PTGER4: variants seen among roughly 807,000 people sequenced by gnomAD.
PTGER4 encodes the protein prostaglandin E receptor 4.
Under a neutral mutation model 33.2 loss-of-function variants are expected in PTGER4, and 11 were observed. The ratio of observed to expected loss-of-function variants is 0.33; its 90% CI spans 0.21 to 0.55. The LOEUF (loss-of-function observed/expected upper bound fraction) is 0.55. PTGER4 is among the 20% of genes least tolerant of loss of function. The pLI, the probability that PTGER4 is intolerant of heterozygous loss-of-function variation, is 0.92. For synonymous variants in PTGER4, 275 were observed against 281.5 expected (o/e 0.98, Z 0.23); for missense variants, 481 against 650.2 (o/e 0.74, Z 2.83).
downstream of PTGER4, among the ~76,000 whole-genome samples, chr5:40,697,294 G>GAAAGAA (rs1741634535): frequency 7.0e-6 from 1 of 143,640 alleles, no homozygotes; most frequent in African/African-American, 2.5e-5. Context: ...AAGAAAGAAA[G>GAAAGAA]AAAAAGAAAG....
chr5:40,724,111 T>C, the PTGER4 span, among the ~76,000 whole-genome samples: 8 of 152,294 alleles, frequency 5.3e-5, no homozygotes, highest in East Asian at 7.7e-4. Context: ...ATAGCCAATA[T>C]GTAGAAACAA....
chr5:40,685,078 T>C (rs539131917), intron 2 of PTGER4, among the ~76,000 whole-genome samples: 1 of 152,310 alleles, frequency 6.6e-6, no homozygotes, highest in African/African-American at 2.4e-5. Flanking sequence ...ACAGTTACTA[T>C]AGGGTTTCGA....
chr5:40,693,885 C>T (rs1741530293), downstream of PTGER4: 1 of 334,020 alleles, frequency 3.0e-6, no homozygotes, highest in African/African-American at 2.2e-5. Context: ...CTCTTGTATA[C>T]ACTTAGTAGA....
chr5:40,728,019 C>T, the PTGER4 span, among the ~76,000 whole-genome samples: 8 of 152,088 alleles, frequency 5.3e-5, no homozygotes, highest in Admixed American at 1.3e-4. Flanking sequence ...TGTTGGCTCA[C>T]GCCTGTAATC....
At chr5:40,684,670 A>G (rs1741283835) in intron 2 of PTGER4, among the ~76,000 whole-genome samples, 1 of 152,226 alleles carries the variant, frequency 6.6e-6, no homozygotes, top group Non-Finnish European at 1.5e-5. Flanking sequence ...GATATAAGGA[A>G]CTGTGCTGAA....
chr5:40,704,976 T>C, the PTGER4 span, among the ~76,000 whole-genome samples: 1 of 152,178 alleles, frequency 6.6e-6, no homozygotes, highest in African/African-American at 2.4e-5. Context: ...AAAAAATTTT[T>C]TTTAATTTAT....
At chr5:40,712,442 G>A in the PTGER4 span, among the ~76,000 whole-genome samples, 2 of 152,254 alleles carry the variant, frequency 1.3e-5, no homozygotes, top group Admixed American at 1.3e-4. Flanking sequence ...GACAGATGGA[G>A]ATTCAATATT....
chr5:40,682,778 G>A (rs570775359), intron 2 of PTGER4, among the ~76,000 whole-genome samples: 32 of 152,306 alleles, frequency 2.1e-4, no homozygotes, highest in Non-Finnish European at 4.0e-4. Flanking sequence ...ACCTTAGGCC[G>A]TCTGAGGCCA....
chr5:40,717,005 G>A, the PTGER4 span, among the ~76,000 whole-genome samples: 5 of 152,018 alleles, frequency 3.3e-5, no homozygotes, highest in Non-Finnish European at 7.4e-5. Context: ...GAGGTGGGCG[G>A]ATCACCTGAG....
At chr5:40,744,754 AT>A in the PTGER4 span, among the ~76,000 whole-genome samples, 103 of 152,188 alleles carry the variant, frequency 6.8e-4, 1 homozygote, top group East Asian at 0.019. Context: ...GTCAAGTGTA[AT>A]TTTTCTAATA....
chr5:40,726,031 C>T, the PTGER4 span, among the ~76,000 whole-genome samples: 1 of 151,454 alleles, frequency 6.6e-6, no homozygotes, highest in Admixed American at 6.6e-5. Flanking sequence ...GTGATCCGCC[C>T]GCCTCGGCCT....
chr5:40,721,702 C>CA, the PTGER4 span, among the ~76,000 whole-genome samples: 1 of 151,334 alleles, frequency 6.6e-6, no homozygotes, highest in Non-Finnish European at 1.5e-5. Flanking sequence ...CAAAACAAAA[C>CA]AAAAAAACAG....
chr5:40,697,145 AG>A (rs1393325141), downstream of PTGER4, among the ~76,000 whole-genome samples: 99 of 124,594 alleles, frequency 7.9e-4, no homozygotes, highest in African/African-American at 1.2e-3. Context: ...AAGGAAGGAA[AG>A]AAAGAGAAAG....
downstream of PTGER4, among the ~76,000 whole-genome samples, chr5:40,694,639 C>G (rs1010484352): frequency 1.3e-5 from 2 of 150,260 alleles, no homozygotes; most frequent in Admixed American, 6.6e-5. Context: ...TATAAGGACA[C>G]TAGTCATACT....
chr5:40,714,225 G>T, the PTGER4 span, among the ~76,000 whole-genome samples: 2 of 152,184 alleles, frequency 1.3e-5, no homozygotes, highest in African/African-American at 4.8e-5. Flanking sequence ...CTTACTTTCA[G>T]ATAAGGAAAG....
chr5:40,707,642 G>T, the PTGER4 span, among the ~76,000 whole-genome samples: 1 of 152,044 alleles, frequency 6.6e-6, no homozygotes, highest in Non-Finnish European at 1.5e-5. Flanking sequence ...AGTTAACAAG[G>T]ATATCCAGGA....
chr5:40,717,781 C>T, the PTGER4 span, among the ~76,000 whole-genome samples: 3 of 152,114 alleles, frequency 2.0e-5, no homozygotes, highest in Non-Finnish European at 4.4e-5. Context: ...TGCACTTAAT[C>T]GGCCAGGCAC....
At chr5:40,746,265 G>A in the PTGER4 span, among the ~76,000 whole-genome samples, 1 of 152,106 alleles carries the variant, frequency 6.6e-6, no homozygotes, top group Non-Finnish European at 1.5e-5. Flanking sequence ...GGTGCATATA[G>A]GAACAACTTA....
At chr5:40,717,681 C>T in the PTGER4 span, among the ~76,000 whole-genome samples, 57 of 152,326 alleles carry the variant, frequency 3.7e-4, 1 homozygote, top group African/African-American at 1.3e-3. Flanking sequence ...AAGTGAGAAT[C>T]ATTGGTCTAA....
Sources: gnomAD v4.1 joint callset for allele counts (sites outside exome capture counted in the v4.1 genomes callset) on GRCh38, gnomAD v4.1.1 for gene constraint, MANE v1.5 for transcripts, NCBI Gene and HGNC (gene_info 2026-07-23, HGNC 2026-07-21) for gene names.